The following ANKRD30A variants were observed in gnomAD, a reference collection of about 807,000 sequenced individuals.
The protein encoded by ANKRD30A is ankyrin repeat domain 30A, also known as ankyrin repeat domain-containing protein 30A.
In ANKRD30A, 170 loss-of-function variants were observed where a neutral mutation model predicts 166.3. The ratio of observed to expected loss-of-function variants is 1.02; its 90% CI spans 0.90 to 1.16. The LOEUF is 1.16. ANKRD30A is among the 50% of genes most tolerant of loss of function. The pLI, the probability that ANKRD30A is intolerant of heterozygous loss-of-function variation, is 0.00. For missense variants in ANKRD30A, 1,630 were observed against 1,518.0 expected (o/e 1.07, Z -1.23); for synonymous variants, 564 against 508.9 (o/e 1.11, Z -1.46).
chr10:37,197,530 A>G (rs1315215507), intron 29 of ANKRD30A, 50 bp downstream of exon 29: 1 of 1,609,012 alleles, frequency 6.2e-7, no homozygotes, highest in East Asian at 2.2e-5. Context: ...AATATTGAAC[A>G]TTTTGATGGT....
chr10:37,207,024 C>A (rs755531637), intron 31 of ANKRD30A, among the ~76,000 whole-genome samples: 19 of 151,794 alleles, frequency 1.3e-4, no homozygotes, highest in Non-Finnish European at 1.9e-4. Context: ...ACATTATTTT[C>A]TTTATGAGTT....
At chr10:37,136,755 G>A in intron 6 of ANKRD30A, 84 bp downstream of exon 6, 2 of 750,420 alleles carry the variant, frequency 2.7e-6, no homozygotes, top group Non-Finnish European at 4.1e-6. Context: ...AATTCAAAAA[G>A]CAATGTGTAA....
intron 3 of ANKRD30A, 94 bp from the exon 4 acceptor site, chr10:37,132,146 A>G: frequency 1.2e-6 from 1 of 822,620 alleles, no homozygotes; most frequent in South Asian, 2.8e-5. Context: ...TTTCTATTTT[A>G]TGTGTTTAAG....
chr10:37,140,796 A>G (rs1286324448), intron 6 of ANKRD30A, among the ~76,000 whole-genome samples: 1 of 152,180 alleles, frequency 6.6e-6, no homozygotes, highest in African/African-American at 2.4e-5. Flanking sequence ...ATTGTACAAT[A>G]TGAATTATAT....
Position 37,219,193 on chromosome 10 carries a change from G to T in ANKRD30A, c.3481G>T (p.Ala1161Ser), listed in dbSNP as rs368559588. Reference sequence around the variant, plus strand: ...GAAAGAGGAATCATTAACTAAAAGGGCATCTCAATATAGTGGGCAGCTTAA... The same window carrying T: ...GAAAGAGGAATCATTAACTAAAAGGTCATCTCAATATAGTGGGCAGCTTAA... ...KLKEESLTKR[A>S]SQYSGQLKVL... The change falls in exon 34 of 36, where the codon GCA becomes TCA. Residue 1161 changes from alanine to serine, a missense_variant. Around this residue, in one of 4 missense-constraint regions of ANKRD30A, gnomAD observed 712 missense variants for 629.3 expected, o/e 1.13. Transcript: ENST00000361713. The T allele has an allele frequency of 1.9e-6, 3 of 1,610,462 alleles. No individual in the cohort carries two copies.
At chr10:37,192,287 G>A (rs1051475607) in intron 25 of ANKRD30A, among the ~76,000 whole-genome samples, 2 of 151,876 alleles carry the variant, frequency 1.3e-5, no homozygotes, top group African/African-American at 4.8e-5. Flanking sequence ...CCAGAGATCC[G>A]CCCTCCTCGG....
chr10:37,224,253 T>G (rs1300247684), intron 34 of ANKRD30A, among the ~76,000 whole-genome samples: 1 of 151,314 alleles, frequency 6.6e-6, no homozygotes, highest in Non-Finnish European at 1.5e-5. Context: ...CTTGGTAGTA[T>G]GCATATCTGC....
intron 18 of ANKRD30A, 78 bp downstream of exon 18, chr10:37,165,233 T>A: frequency 7.3e-7 from 1 of 1,360,556 alleles, no homozygotes; most frequent in Non-Finnish European, 1.0e-6. Context: ...TAGTCTTTAT[T>A]TTCTCACCTC....
At chr10:37,247,299 A>G in the ANKRD30A span, among the ~76,000 whole-genome samples, 2 of 152,232 alleles carry the variant, frequency 1.3e-5, no homozygotes, top group African/African-American at 4.8e-5. Flanking sequence ...GTGTCACTCC[A>G]CATCAGCCCT....
chr10:37,251,640 C>T, the ANKRD30A span, among the ~76,000 whole-genome samples: 374 of 152,278 alleles, frequency 2.5e-3, 2 homozygotes, highest in Non-Finnish European at 3.5e-3. Context: ...TCTCCGCCAT[C>T]CATGCAGAGA....
chr10:37,201,294 AG>A lies in ANKRD30A; in HGVS notation c.2839del (p.Glu947LysfsTer5). 6.3e-7 allele frequency: 1 copy of A among 1,594,470 alleles called. No individual in the cohort carries two copies. Among genetic ancestry groups the A allele is most frequent in the South Asian group, 1.1e-5 (1 of 87,950 alleles). On this transcript the variant is annotated frameshift_variant, in exon 31 of 36. Transcript: ENST00000361713. LOFTEE classifies it high-confidence loss of function. ...GTGTACCCAAGGCTACACATCAAAAAGAAATGGATAAAATAAGTGGAAAATT... is the reference window on the plus strand; with the variant it reads ...GTGTACCCAAGGCTACACATCAAAAAAAATGGATAAAATAAGTGGAAAATT... ...VCVPKATHQK[E>X]MDKISGKLED... is the part of the protein sequence containing the mutation.
At chr10:37,245,390 C>T in the ANKRD30A span, among the ~76,000 whole-genome samples, 7 of 152,026 alleles carry the variant, frequency 4.6e-5, no homozygotes, top group Non-Finnish European at 8.8e-5. Flanking sequence ...TAAATAGTAA[C>T]AGTCTTCTTT....
chr10:37,195,616 C>T (rs561101808), intron 27 of ANKRD30A, among the ~76,000 whole-genome samples: 9 of 152,158 alleles, frequency 5.9e-5, no homozygotes, highest in Middle Eastern at 6.8e-3. Flanking sequence ...AAATGGTGAC[C>T]GGGTGCGGTG....
intron 5 of ANKRD30A, among the ~76,000 whole-genome samples, chr10:37,135,014 G>C (rs1471875773): frequency 6.6e-6 from 1 of 152,088 alleles, no homozygotes. Flanking sequence ...TTTGTAGTGG[G>C]TTCCAACTTG....
intron 15 of ANKRD30A, among the ~76,000 whole-genome samples, chr10:37,162,298 G>C (rs909317224): frequency 2.6e-5 from 4 of 152,080 alleles, no homozygotes; most frequent in Non-Finnish European, 5.9e-5. Context: ...TTAAAGAACA[G>C]GATGAATGGA....
chr10:37,148,164 G>C (rs1476699516), intron 9 of ANKRD30A, among the ~76,000 whole-genome samples: 1 of 152,044 alleles, frequency 6.6e-6, no homozygotes, highest in Non-Finnish European at 1.5e-5. Flanking sequence ...AAGTTCTCAG[G>C]CGATGCTGAT....
At chr10:37,235,929 A>G (rs76238856), downstream of ANKRD30A, among the ~76,000 whole-genome samples, 1,488 of 151,838 alleles carry the variant, frequency 9.8e-3, 27 homozygotes, top group African/African-American at 0.034. Context: ...GCCACCAAGC[A>G]CAGCTAAGTT....
intron 34 of ANKRD30A, 23 bp from the exon 35 acceptor site, chr10:37,231,438 T>G: frequency 6.3e-7 from 1 of 1,584,430 alleles, no homozygotes; most frequent in Non-Finnish European, 8.6e-7. Context: ...ATACTAAGCA[T>G]TTTCCTTTTG....
chr10:37,245,074 T>G, the ANKRD30A span, among the ~76,000 whole-genome samples: 1 of 152,206 alleles, frequency 6.6e-6, no homozygotes, highest in Admixed American at 6.5e-5. Context: ...AGAAAAGAGA[T>G]AATACTGTAT....
Sources: allele counts gnomAD v4.1 joint callset (sites outside exome capture counted in the v4.1 genomes callset), GRCh38; gene constraint gnomAD v4.1.1; regional missense constraint gnomAD v4.1.1; transcripts MANE v1.5; gene names NCBI Gene and HGNC (gene_info 2026-07-23, HGNC 2026-07-21).